The following QPRT variants were observed in gnomAD, a reference collection of about 807,000 sequenced individuals.
QPRT encodes nicotinate-nucleotide pyrophosphorylase [carboxylating].
Under a neutral mutation model 19.8 loss-of-function variants are expected in QPRT, and 17 were observed. The ratio of observed to expected loss-of-function variants is 0.86; its 90% CI spans 0.59 to 1.29. QPRT has a LOEUF of 1.29. QPRT is among the 50% of genes most tolerant of loss of function. The pLI is 0.00. For missense variants in QPRT, 336 were observed against 405.1 expected (o/e 0.83, Z 1.46); for synonymous variants, 178 against 191.0 (o/e 0.93, Z 0.56).
intron 1 of QPRT, among the ~76,000 whole-genome samples, chr16:29,690,756 C>G (rs1223332830): frequency 1.4e-4 from 22 of 152,270 alleles, no homozygotes; most frequent in Admixed American, 1.4e-3. Context: ...GCGGCATGAC[C>G]TCAGCTCACT....
At chr16:29,695,494 T>TC (rs1358427993) in intron 2 of QPRT, among the ~76,000 whole-genome samples, 1 of 144,880 alleles carries the variant, frequency 6.9e-6, no homozygotes, top group African/African-American at 2.6e-5. Flanking sequence ...CTTTTTTTTT[T>TC]TTTTTTTTTT....
At chr16:29,687,194 T>A (rs1967187639) in intron 1 of QPRT, among the ~76,000 whole-genome samples, 1 of 152,172 alleles carries the variant, frequency 6.6e-6, no homozygotes, top group African/African-American at 2.4e-5. Flanking sequence ...CTTCCTGTTC[T>A]TCCCCCATCA....
At chr16:29,682,434 G>A (rs754100156) in intron 1 of QPRT, among the ~76,000 whole-genome samples, 3 of 151,844 alleles carry the variant, frequency 2.0e-5, no homozygotes, top group Admixed American at 1.3e-4. Flanking sequence ...GTATAATGGC[G>A]TGATCTTGGC....
At chr16:29,679,930 C>G (rs972398311) in intron 1 of QPRT, among the ~76,000 whole-genome samples, 2 of 150,790 alleles carry the variant, frequency 1.3e-5, no homozygotes, top group African/African-American at 2.4e-5. Flanking sequence ...CCTTTAAGCT[C>G]AAAGCATATG....
intron 1 of QPRT, among the ~76,000 whole-genome samples, chr16:29,688,529 AATTT>A (rs77929436): frequency 0.055 from 8,333 of 151,954 alleles, 584 homozygotes; most frequent in African/African-American, 0.16. Flanking sequence ...TTTGTTTATT[AATTT>A]ATTTAAGACA....
intron 1 of QPRT, among the ~76,000 whole-genome samples, chr16:29,688,108 G>A (rs1356462547): frequency 6.6e-6 from 1 of 152,124 alleles, no homozygotes; most frequent in East Asian, 1.9e-4. Context: ...TGCTGTAGGG[G>A]AAGAGTGACC....
chr16:29,696,896 G>A, intron 2 of QPRT, 100 bp from the exon 3 acceptor site: 1 of 1,398,154 alleles, frequency 7.2e-7, no homozygotes, highest in Non-Finnish European at 9.5e-7. Flanking sequence ...CCCAGCTGCA[G>A]TGCTGGGCCC....
Position 29,698,365 on chromosome 16 carries a change from T to C in QPRT, c.*954T>C, listed in dbSNP as rs1176140199. On this transcript the variant is annotated 3_prime_UTR_variant, in exon 4 of 4. Coordinates refer to ENST00000395384, the MANE Select transcript of QPRT (RefSeq NM_014298.6). The stretch of plus-strand genomic sequence containing the variant: ...AAAACAAAACAAAACAGAAGTAAGA[T>C]AAATAGCCAGAAGACCTTGGCGACA... 6.6e-6 allele frequency: 1 copy of C among 151,896 alleles called. No homozygotes were observed. Among genetic ancestry groups the C allele is most frequent in the Non-Finnish European group, 1.5e-5 (1 of 67,992 alleles). 9.4% of individuals were successfully genotyped at this position (151,896 alleles called of 1,614,324 possible).
intron 1 of QPRT, among the ~76,000 whole-genome samples, chr16:29,684,049 T>C (rs1481425286): frequency 2.0e-5 from 3 of 152,144 alleles, no homozygotes; most frequent in Non-Finnish European, 4.4e-5. Context: ...CCCAAAACCC[T>C]CTTCTCCTTC....
At chr16:29,681,855 T>G (rs925432934) in intron 1 of QPRT, among the ~76,000 whole-genome samples, 1 of 151,930 alleles carries the variant, frequency 6.6e-6, no homozygotes, top group Non-Finnish European at 1.5e-5. Context: ...CACGAGTAGC[T>G]GGGACTACAC....
At chr16:29,695,484 C>CTTTTTTTTTTTTT (rs962384967) in intron 2 of QPRT, among the ~76,000 whole-genome samples, 1 of 93,610 alleles carries the variant, frequency 1.1e-5, no homozygotes, top group East Asian at 3.0e-4. Context: ...CTAATTTTTG[C>CTTTTTTTTTTTTT]TTTTTTTTTT....
At chr16:29,680,455 A>G (rs761635583) in intron 1 of QPRT, among the ~76,000 whole-genome samples, 9 of 152,062 alleles carry the variant, frequency 5.9e-5, no homozygotes, top group South Asian at 4.1e-4. Context: ...GAGGCCCCCT[A>G]TGGTGTTCCA....
At chr16:29,693,864 A>G (rs1967428469) in intron 1 of QPRT, among the ~76,000 whole-genome samples, 2 of 152,006 alleles carry the variant, frequency 1.3e-5, no homozygotes, top group African/African-American at 4.8e-5. Context: ...TGCTGGGATT[A>G]CAGGCGTGAG....
Position 29,697,352 on chromosome 16 carries a change from C to T in QPRT, c.835C>T (p.Leu279Phe). 1 of 1,614,126 alleles carries T rather than the reference C, an allele frequency of 6.2e-7. No homozygotes were observed. The highest frequency in any genetic ancestry group is 8.5e-7 in the Non-Finnish European group (1 of 1,180,004). Residue 279 changes from leucine (L) to phenylalanine (F), a missense_variant, in exon 4 of 4, where the codon CTT becomes TTT. Physicochemically the swap from Leu to Phe is conservative, Grantham distance 22 (BLOSUM62 0). Coordinates refer to ENST00000395384, the MANE Select transcript of QPRT (RefSeq NM_014298.6). The surrounding 1 kb of genome is among the most constrained non-coding windows in gnomAD (Gnocchi z 4.4). ...MGMLTQAAPALDFSLKLFAKE... is the reference protein window; with the variant it reads ...MGMLTQAAPAFDFSLKLFAKE... ...GATGCTGACCCAGGCGGCCCCAGCC[C>T]TTGATTTCTCCCTCAAGCTGTTTGC...
rs181763343 is a variant in QPRT, at chr16:29,685,121, C to T, written c.13+5911C>T. ...AGCCCTCAAATCTACCCCAGAGCTACTGTCAAAGTTCAGGGCTCCATCTCT... is the reference window on the plus strand; with the variant it reads ...AGCCCTCAAATCTACCCCAGAGCTATTGTCAAAGTTCAGGGCTCCATCTCT... On this transcript the variant is annotated intron_variant, in intron 1 of 3. Coordinates refer to ENST00000395384, the MANE Select transcript of QPRT (RefSeq NM_014298.6). Among the ~76,000 whole-genome samples the T allele has an allele frequency of 2.7e-3, 413 of 152,340 alleles. 2 individuals carry two copies. The highest frequency in any genetic ancestry group is 0.017 in the Middle Eastern group (5 of 294).
chr16:29,693,903 T>C (rs545667052), intron 1 of QPRT, among the ~76,000 whole-genome samples: 2 of 152,004 alleles, frequency 1.3e-5, no homozygotes, highest in Non-Finnish European at 2.9e-5. Flanking sequence ...CTGATTTTTT[T>C]TTTAAGTGAA....
rs760789006 is a variant in QPRT, at chr16:29,694,955, G to A, written c.305G>A (p.Arg102Gln). ...GCCCACTGCCTGCTGCTGGGGGAAC[G>A]GGTGGCCCTCAACACGCTGGCCCGC... ...GPAHCLLLGERVALNTLARCS... is the reference protein window; with the variant it reads ...GPAHCLLLGEQVALNTLARCS... Residue 102 changes from arginine to glutamine, a missense_variant, in exon 2 of 4, where the codon CGG becomes CAG. Coordinates refer to ENST00000395384, the MANE Select transcript of QPRT (RefSeq NM_014298.6). 6.2e-6 allele frequency: 10 copies of A among 1,610,842 alleles called. No individual in the cohort carries two copies. The highest frequency in any genetic ancestry group is 3.3e-5 in the South Asian group (3 of 91,040).
At chr16:29,696,129 C>G (rs1436531440) in intron 2 of QPRT, 1 of 152,146 alleles carries the variant, frequency 6.6e-6, no homozygotes, top group Non-Finnish European at 1.5e-5. Context: ...AAATTGAGCT[C>G]AGGTCCAAAT....
chr16:29,695,425 C>A (rs1346275107), intron 2 of QPRT, among the ~76,000 whole-genome samples: 1 of 151,836 alleles, frequency 6.6e-6, no homozygotes, highest in Non-Finnish European at 1.5e-5. Flanking sequence ...GGAGATGGGG[C>A]CTCAGTCTCT....
Sources: gnomAD v4.1 joint callset for allele counts (sites outside exome capture counted in the v4.1 genomes callset) on GRCh38, gnomAD v4.1.1 for gene constraint, Gnocchi (gnomAD v3.1) non-coding constraint, MANE v1.5 for transcripts, NCBI Gene and HGNC (gene_info 2026-07-23, HGNC 2026-07-21) for gene names.